Variants in IGF1R observed in about 807,000 individuals in gnomAD.
IGF1R encodes the protein insulin like growth factor 1 receptor.
IGF1R carries 44 observed loss-of-function variants against 144.6 expected under a neutral mutation model. The ratio of observed to expected loss-of-function variants is 0.30; its 90% CI spans 0.24 to 0.39. The LOEUF is 0.39. IGF1R is among the 10% of genes least tolerant of loss of function. The probability of loss-of-function intolerance (pLI) is 1.00; values close to 1 mark genes in which losing one functional copy is unlikely to be tolerated. For missense variants in IGF1R, 1,355 were observed against 1,833.7 expected, an observed-to-expected ratio of 0.74 and a Z score of 4.77; for synonymous variants, 795 against 722.8, an observed-to-expected ratio of 1.10 and a Z score of -1.60.
In IGF1R at chr15:98,950,449, G is replaced by A. The variant is rs988312294; in HGVS notation, c.3722+1741G>A. Among the ~76,000 whole-genome samples the A allele has an allele frequency of 2.6e-5, 4 of 152,190 alleles. No individual in the cohort carries two copies. In the South Asian group the frequency reaches 8.3e-4, roughly 31 times the overall value. On this transcript the variant is annotated intron_variant, in intron 20 of 20. Transcript: ENST00000650285. ...GCTGCAGTCTCACCTGAGGCTCAGG[G>A]ACATCTTCAGGCTCCTTCAGGGTTC...
At chr15:98,727,146 AT>A (rs1332504353) in intron 2 of IGF1R, among the ~76,000 whole-genome samples, 2 of 152,266 alleles carry the variant, frequency 1.3e-5, no homozygotes, top group Non-Finnish European at 2.9e-5. Flanking sequence ...TCTTGTAAAA[AT>A]ATCATTTAAT....
intron 10 of IGF1R, 98 bp from the exon 11 acceptor site, chr15:98,922,050 A>G (rs2015510694): frequency 8.1e-6 from 11 of 1,365,224 alleles, no homozygotes; most frequent in East Asian, 2.3e-5. Context: ...AGCTCCTTCT[A>G]TTCCACGGTT....
chr15:98,765,147 C>T (rs545804890), intron 2 of IGF1R, among the ~76,000 whole-genome samples: 2 of 152,126 alleles, frequency 1.3e-5, no homozygotes, highest in Non-Finnish European at 2.9e-5. Flanking sequence ...AGTACTTCAT[C>T]CCTTTTTATG....
intron 2 of IGF1R, among the ~76,000 whole-genome samples, chr15:98,778,908 C>T (rs751834100): frequency 5.3e-5 from 8 of 152,216 alleles, no homozygotes; most frequent in Non-Finnish European, 1.0e-4. Context: ...AATGGAAAAA[C>T]CCACCACCAG....
At chr15:98,926,986 A>G (rs2015746790) in intron 13 of IGF1R, among the ~76,000 whole-genome samples, 1 of 152,046 alleles carries the variant, frequency 6.6e-6, no homozygotes, top group Admixed American at 6.5e-5. Flanking sequence ...TCCATCTCCT[A>G]GAAACAGATC....
chr15:98,727,499 G>T (rs1018082349), intron 2 of IGF1R, among the ~76,000 whole-genome samples: 1 of 152,202 alleles, frequency 6.6e-6, no homozygotes, highest in Non-Finnish European at 1.5e-5. Context: ...GGAGATAAAG[G>T]TGCACCCTGA....
intron 7 of IGF1R, among the ~76,000 whole-genome samples, chr15:98,912,691 A>G (rs1478868803): frequency 6.6e-6 from 1 of 152,232 alleles, no homozygotes; most frequent in East Asian, 1.9e-4. Context: ...ACCTTCTTTC[A>G]ATATCTGATA....
intron 2 of IGF1R, among the ~76,000 whole-genome samples, chr15:98,867,905 A>C (rs1031382014): frequency 1.3e-5 from 2 of 152,172 alleles, no homozygotes; most frequent in Non-Finnish European, 2.9e-5. Context: ...CACTTTTTAA[A>C]ATAGCCAAAT....
Position 98,667,291 on chromosome 15 carries a change from C to T in IGF1R, c.94+17616C>T, listed in dbSNP as rs980152921. On this transcript the variant is annotated intron_variant, in intron 1 of 20. Transcript: ENST00000650285. ...GAGAGATTTGTTTAGATGTTTGATT[C>T]CCTCACTGATTATGATTATACTGGA... Among the ~76,000 whole-genome samples the T allele has an allele frequency of 2.0e-5, 3 of 152,232 alleles. No homozygotes were observed. The East Asian group carries it at 5.8e-4, about 29-fold the overall frequency.
At chr15:98,879,272 G>T (rs1257033965) in intron 2 of IGF1R, among the ~76,000 whole-genome samples, 3 of 152,130 alleles carry the variant, frequency 2.0e-5, no homozygotes, top group Non-Finnish European at 4.4e-5. Flanking sequence ...TTTTTTAAAA[G>T]AATATTTTAT....
At chr15:98,812,165 GT>G (rs1383089851) in intron 2 of IGF1R, among the ~76,000 whole-genome samples, 3 of 152,102 alleles carry the variant, frequency 2.0e-5, no homozygotes, top group African/African-American at 7.2e-5. Flanking sequence ...TACCAGGACC[GT>G]TTAGCACCCT....
intron 9 of IGF1R, 163 bp from the exon 10 acceptor site, chr15:98,916,509 G>T (rs566765192): frequency 1.7e-5 from 12 of 709,568 alleles, no homozygotes; most frequent in East Asian, 8.2e-5. Flanking sequence ...TGATTTGCCC[G>T]CCTCGGCCTC....
intron 2 of IGF1R, among the ~76,000 whole-genome samples, chr15:98,870,320 A>G (rs907700780): frequency 6.6e-6 from 1 of 152,218 alleles, no homozygotes; most frequent in African/African-American, 2.4e-5. Context: ...TGTAAACACG[A>G]TCAGTGCTTT....
At chr15:98,709,138 A>G (rs2053934668) in intron 2 of IGF1R, among the ~76,000 whole-genome samples, 1 of 152,224 alleles carries the variant, frequency 6.6e-6, no homozygotes, top group South Asian at 2.1e-4. Flanking sequence ...TGGCCCAGTT[A>G]AAGATGTAAG....
intron 2 of IGF1R, among the ~76,000 whole-genome samples, chr15:98,747,821 TGTACTGA>T (rs2054907187): frequency 6.6e-6 from 1 of 152,198 alleles, no homozygotes; most frequent in Admixed American, 6.5e-5. Context: ...TGTATTATAA[TGTACTGA>T]GTATCACTAA....
chr15:98,800,938 A>G (rs1254851157), intron 2 of IGF1R, among the ~76,000 whole-genome samples: 1 of 152,226 alleles, frequency 6.6e-6, no homozygotes, highest in South Asian at 2.1e-4. Flanking sequence ...ATTTTTGGCA[A>G]TTCAGATTAG....
Position 98,707,697 on chromosome 15 carries a change from A to G in IGF1R, c.230A>G (p.Lys77Arg), listed in dbSNP as rs748531654. ...GACTACCGCAGCTACCGCTTCCCCAAGCTCACGGTCATTACCGAGTACTTG... is the reference window on the plus strand; with the variant it reads ...GACTACCGCAGCTACCGCTTCCCCAGGCTCACGGTCATTACCGAGTACTTG... The part of the protein sequence containing the change: ...AEDYRSYRFP[K>R]LTVITEYLLL... Residue 77 changes from lysine (K) to arginine (R), a missense_variant, in exon 2 of 21, where the codon AAG becomes AGG. Physicochemically the swap from Lys to Arg is conservative, Grantham distance 26 (BLOSUM62 2). Transcript: ENST00000650285. The surrounding 1 kb of genome is among the most constrained non-coding windows in gnomAD (Gnocchi z 6.7). The G allele has an allele frequency of 1.3e-5, 21 of 1,614,102 alleles. No individual in the cohort carries two copies. The South Asian group carries it at 1.9e-4, about 14-fold the overall frequency.
chr15:98,791,085 C>G (rs948619719), intron 2 of IGF1R, among the ~76,000 whole-genome samples: 2 of 152,168 alleles, frequency 1.3e-5, no homozygotes, highest in African/African-American at 4.8e-5. Flanking sequence ...AGTTCATGCT[C>G]AGATGATTCA....
At chr15:98,834,690 C>A (rs2057061921) in intron 2 of IGF1R, among the ~76,000 whole-genome samples, 1 of 152,160 alleles carries the variant, frequency 6.6e-6, no homozygotes, top group South Asian at 2.1e-4. Flanking sequence ...ACTAGACGAG[C>A]CAAGCGAAGT....
Sources: gnomAD v4.1 joint callset for allele counts (sites outside exome capture counted in the v4.1 genomes callset) on GRCh38, gnomAD v4.1.1 for gene constraint, Gnocchi (gnomAD v3.1) non-coding constraint, MANE v1.5 for transcripts, NCBI Gene and HGNC (gene_info 2026-07-23, HGNC 2026-07-21) for gene names.